WWC2: variants seen among roughly 807,000 people sequenced by gnomAD.
WWC2 encodes protein WWC2.
In WWC2, 101 loss-of-function variants were observed where a neutral mutation model predicts 138.5. The observed-to-expected ratio is 0.73, with a 90% CI of 0.62 to 0.86. The LOEUF (loss-of-function observed/expected upper bound fraction) is 0.86, where lower values mean the gene tolerates loss of function less well. Among genes scored for constraint, WWC2 ranks in the 40% least tolerant of loss-of-function variants. The pLI is 0.00. For synonymous variants in WWC2, 558 were observed against 538.4 expected (o/e 1.04, Z -0.50); for missense variants, 1,420 against 1,419.4 (o/e 1.00, Z -0.01).
At chr4:183,099,989 G>A (rs1009854718) in intron 1 of WWC2, among the ~76,000 whole-genome samples, 13 of 152,214 alleles carry the variant, frequency 8.5e-5, no homozygotes, top group Non-Finnish European at 1.8e-4. Context: ...GGCGGCGGGG[G>A]TGGGCTAGGG....
At chr4:183,232,717 G>A (rs1046557407) in intron 4 of WWC2, among the ~76,000 whole-genome samples, 12 of 152,120 alleles carry the variant, frequency 7.9e-5, no homozygotes, top group African/African-American at 2.4e-4. Context: ...GTGCGATCTT[G>A]GCTCACTGCA....
intron 16 of WWC2, among the ~76,000 whole-genome samples, chr4:183,276,765 A>C (rs1737868734): frequency 6.6e-6 from 1 of 151,946 alleles, no homozygotes. Flanking sequence ...ATTCCCTTTA[A>C]TATTTCTTTT....
intron 21 of WWC2, among the ~76,000 whole-genome samples, chr4:183,300,962 T>TA (rs1738820666): frequency 6.6e-6 from 1 of 152,176 alleles, no homozygotes; most frequent in Non-Finnish European, 1.5e-5. Flanking sequence ...TCCTATCTGA[T>TA]AAAATCACTT....
intron 1 of WWC2, among the ~76,000 whole-genome samples, chr4:183,176,201 T>C (rs1310138870): frequency 1.3e-5 from 2 of 152,184 alleles, no homozygotes; most frequent in Non-Finnish European, 2.9e-5. Context: ...AAAGTCTCCA[T>C]GTAAGCTATA....
At chr4:183,148,645 A>G (rs1271113036) in intron 1 of WWC2, among the ~76,000 whole-genome samples, 4 of 152,174 alleles carry the variant, frequency 2.6e-5, no homozygotes, top group Non-Finnish European at 2.9e-5. Context: ...CTTTCTAGAT[A>G]TCTTTGTTGT....
chr4:183,184,520 G>A (rs1042287900), intron 1 of WWC2, among the ~76,000 whole-genome samples: 1 of 152,100 alleles, frequency 6.6e-6, no homozygotes, highest in African/African-American at 2.4e-5. Flanking sequence ...GGGATCATAC[G>A]GTAATTCCAT....
chr4:183,147,545 T>TA (rs1733495992), intron 1 of WWC2, among the ~76,000 whole-genome samples: 1 of 152,232 alleles, frequency 6.6e-6, no homozygotes, highest in Non-Finnish European at 1.5e-5. Context: ...ACGTGACAGT[T>TA]ACACCAAGTG....
intron 18 of WWC2, among the ~76,000 whole-genome samples, chr4:183,283,971 T>A (rs1738162654): frequency 1.3e-5 from 2 of 152,182 alleles, no homozygotes; most frequent in African/African-American, 2.4e-5. Flanking sequence ...GTTGGACAGA[T>A]ATCACACGGC....
intron 1 of WWC2, among the ~76,000 whole-genome samples, chr4:183,188,427 G>A (rs1163676399): frequency 6.6e-6 from 1 of 151,898 alleles, no homozygotes; most frequent in Non-Finnish European, 1.5e-5. Context: ...TAGTAGCGAT[G>A]GATTTTCACC....
intron 11 of WWC2, among the ~76,000 whole-genome samples, chr4:183,264,747 A>G (rs1180862167): frequency 6.6e-6 from 1 of 152,198 alleles, no homozygotes; most frequent in African/African-American, 2.4e-5. Flanking sequence ...TTTCAGGACA[A>G]AGAAAAACCA....
intron 15 of WWC2, 37 bp from the exon 16 acceptor site, chr4:183,271,043 C>A: frequency 2.1e-6 from 3 of 1,436,162 alleles, no homozygotes; most frequent in Non-Finnish European, 1.8e-6. Flanking sequence ...TTTTCTCTTC[C>A]TTATTTTTTT....
chr4:183,182,438 C>A (rs917145749), intron 1 of WWC2, among the ~76,000 whole-genome samples: 1 of 152,184 alleles, frequency 6.6e-6, no homozygotes, highest in Non-Finnish European at 1.5e-5. Context: ...AAGTTCTCTA[C>A]CTCTCTCAAA....
intron 1 of WWC2, among the ~76,000 whole-genome samples, chr4:183,181,616 G>A (rs1415991018): frequency 4.0e-5 from 6 of 151,370 alleles, no homozygotes; most frequent in Non-Finnish European, 4.4e-5. Context: ...TAAGGATACA[G>A]TATATAATAC....
At chr4:183,208,288 A>ATGGTT in intron 3 of WWC2, 132 bp downstream of exon 3, 4 of 965,570 alleles carry the variant, frequency 4.1e-6, no homozygotes, top group South Asian at 1.7e-5. Flanking sequence ...TCTCAAAACC[A>ATGGTT]TTGAGAGGTG....
At chr4:183,285,071 A>G (rs1029548737) in intron 19 of WWC2, among the ~76,000 whole-genome samples, 1 of 152,252 alleles carries the variant, frequency 6.6e-6, no homozygotes, top group Non-Finnish European at 1.5e-5. Context: ...CAAGAGACCC[A>G]GAGCCCTGCC....
At chr4:183,289,239 C>T (rs1275605100) in intron 20 of WWC2, among the ~76,000 whole-genome samples, 154 bp from the exon 21 acceptor site, 3 of 152,246 alleles carry the variant, frequency 2.0e-5, no homozygotes, top group African/African-American at 4.8e-5. Context: ...TCCCACTCAC[C>T]TGCCATGGGC....
intron 21 of WWC2, among the ~76,000 whole-genome samples, chr4:183,305,513 A>AG (rs71589544): frequency 2.0e-5 from 3 of 152,220 alleles, no homozygotes; most frequent in Non-Finnish European, 4.4e-5. Flanking sequence ...AAGAAGCCAG[A>AG]GGGGGAAAAA....
chr4:183,268,115 T>G (rs1486008444), intron 14 of WWC2, among the ~76,000 whole-genome samples: 1 of 152,158 alleles, frequency 6.6e-6, no homozygotes, highest in Non-Finnish European at 1.5e-5. Context: ...TAATATGACA[T>G]TCCTCAGTTC....
At chr4:183,187,733 C>T (rs1205423196) in intron 1 of WWC2, among the ~76,000 whole-genome samples, 5 of 151,044 alleles carry the variant, frequency 3.3e-5, no homozygotes, top group East Asian at 2.0e-4. Flanking sequence ...ATTAGCTGGG[C>T]GTGGTAGCGC....
Sources: allele counts gnomAD v4.1 joint callset (sites outside exome capture counted in the v4.1 genomes callset), GRCh38; gene constraint gnomAD v4.1.1; transcripts MANE v1.5; gene names NCBI Gene and HGNC (gene_info 2026-07-23, HGNC 2026-07-21).